AOPEP: variants seen among roughly 807,000 people sequenced by gnomAD.
AOPEP encodes aminopeptidase O.
Under a neutral mutation model 98.1 loss-of-function variants are expected in AOPEP, and 77 were observed. The ratio of observed to expected loss-of-function variants is 0.78; its 90% CI spans 0.65 to 0.95. The LOEUF (loss-of-function observed/expected upper bound fraction) is 0.95, where lower values mean the gene tolerates loss of function less well. Among genes scored for constraint, AOPEP ranks in the 40% least tolerant of loss-of-function variants. The pLI is 0.00. For synonymous variants in AOPEP, 346 were observed against 365.3 expected (o/e 0.95, Z 0.60); for missense variants, 1,024 against 1,024.7 (o/e 1.00, Z 0.01).
intron 11 of AOPEP, chr9:95,004,273 C>A (rs1445536976): frequency 2.2e-6 from 1 of 456,582 alleles, no homozygotes; most frequent in Non-Finnish European, 4.4e-6. Context: ...TGGGGTATCG[C>A]ACATTTTTAT....
intron 11 of AOPEP, among the ~76,000 whole-genome samples, chr9:94,997,522 G>A (rs1156554084): frequency 6.6e-6 from 1 of 152,188 alleles, no homozygotes; most frequent in Non-Finnish European, 1.5e-5. Flanking sequence ...ATCCTGAGGG[G>A]TGGAGGTGCT....
intron 1 of AOPEP, among the ~76,000 whole-genome samples, chr9:94,730,784 G>T (rs1010507100): frequency 6.6e-6 from 1 of 152,186 alleles, no homozygotes; most frequent in African/African-American, 2.4e-5. Context: ...TCTCAGGATT[G>T]TGTAGTCATC....
chr9:94,973,029 A>G (rs566108221), intron 10 of AOPEP, among the ~76,000 whole-genome samples: 8 of 152,334 alleles, frequency 5.3e-5, no homozygotes, highest in African/African-American at 1.9e-4. Context: ...ACTAAATGTA[A>G]ACATCGACAC....
chr9:94,952,628 C>T (rs2058181400), intron 7 of AOPEP, among the ~76,000 whole-genome samples: 1 of 152,210 alleles, frequency 6.6e-6, no homozygotes, highest in Non-Finnish European at 1.5e-5. Context: ...CTTTGTCTCT[C>T]TACGCAGACC....
chr9:94,969,467 G>T (rs1396742981), intron 10 of AOPEP, among the ~76,000 whole-genome samples: 4 of 149,826 alleles, frequency 2.7e-5, no homozygotes, highest in Non-Finnish European at 4.4e-5. Flanking sequence ...CTGGAGTGCA[G>T]TGGCACGATC....
intron 5 of AOPEP, among the ~76,000 whole-genome samples, chr9:94,815,448 TGTCAAGA>T (rs1350202902): frequency 6.6e-6 from 1 of 152,148 alleles, no homozygotes; most frequent in African/African-American, 2.4e-5. Context: ...TTAGTTGCCA[TGTCAAGA>T]GTCACCTGAG....
chr9:94,837,246 A>C (rs1250816496), intron 5 of AOPEP, among the ~76,000 whole-genome samples: 1 of 152,234 alleles, frequency 6.6e-6, no homozygotes. Flanking sequence ...ACAAGCAGTG[A>C]GATTGAAATG....
chr9:95,067,899 A>G (rs1770941466), intron 14 of AOPEP, among the ~76,000 whole-genome samples: 2 of 152,168 alleles, frequency 1.3e-5, no homozygotes, highest in South Asian at 2.1e-4. Flanking sequence ...AGATTTGCCT[A>G]TTCTGGGCCT....
At chr9:94,779,921 T>G (rs941085878) in intron 3 of AOPEP, among the ~76,000 whole-genome samples, 1 of 152,224 alleles carries the variant, frequency 6.6e-6, no homozygotes, top group Non-Finnish European at 1.5e-5. Context: ...ATCATCCTTA[T>G]GTTCTTTTCT....
intron 5 of AOPEP, among the ~76,000 whole-genome samples, chr9:94,908,520 T>C (rs773450548): frequency 1.6e-4 from 25 of 152,218 alleles, no homozygotes; most frequent in Admixed American, 7.9e-4. Context: ...GTGGGATGTT[T>C]GCTGCGTGCC....
chr9:94,826,254 C>G (rs1238111769), intron 5 of AOPEP, among the ~76,000 whole-genome samples: 1 of 152,174 alleles, frequency 6.6e-6, no homozygotes, highest in Non-Finnish European at 1.5e-5. Flanking sequence ...AACTCCTGGC[C>G]AAGGAGTGCA....
chr9:95,004,871 G>C (rs2061835178), intron 11 of AOPEP: 1 of 146,952 alleles, frequency 6.8e-6, no homozygotes, highest in African/African-American at 2.5e-5. Flanking sequence ...GCGGGAGGGC[G>C]ACCTGCGGGA....
At chr9:94,929,591 A>G (rs982475574) in intron 7 of AOPEP, among the ~76,000 whole-genome samples, 2 of 152,278 alleles carry the variant, frequency 1.3e-5, no homozygotes, top group African/African-American at 4.8e-5. Flanking sequence ...AGGGAAGTGG[A>G]GCGGGCCAGG....
the AOPEP span, among the ~76,000 whole-genome samples, chr9:95,094,677 T>C: frequency 6.6e-6 from 1 of 152,166 alleles, no homozygotes; most frequent in African/African-American, 2.4e-5. Flanking sequence ...CTTTTTTCTT[T>C]TTTCTTTGAG....
the AOPEP span, among the ~76,000 whole-genome samples, chr9:95,109,112 A>G: frequency 2.0e-5 from 3 of 152,094 alleles, no homozygotes; most frequent in African/African-American, 7.2e-5. Context: ...ACAGGGGTCT[A>G]TGTTGCCCAG....
In AOPEP at chr9:94,759,999, CA is replaced by C. The variant is rs765485120; in HGVS notation, c.219del (p.Lys73AsnfsTer12). ...ACQSESNKAC[K>X]FGMPEPCHIP... The stretch of plus-strand genomic sequence containing the variant: ...GCCAATCAGAATCAAACAAAGCCTG[CA>C]AATTTGGGATGCCTGAACCCTGCCA... On this transcript the variant is annotated frameshift_variant, in exon 2 of 17. Coordinates refer to ENST00000375315, the MANE Select transcript of AOPEP (RefSeq NM_001193329.3). LOFTEE classifies it high-confidence loss of function. 4.3e-6 allele frequency: 7 copies of C among 1,614,212 alleles called. No individual in the cohort carries two copies. The South Asian group carries it at 7.7e-5, about 18-fold the overall frequency.
the AOPEP span, among the ~76,000 whole-genome samples, chr9:95,139,262 C>T: frequency 2.6e-5 from 4 of 152,160 alleles, no homozygotes; most frequent in African/African-American, 7.2e-5. Context: ...TCACCCTCTC[C>T]GTGTAGGCGC....
At chr9:94,960,367 C>A (rs1029317400) in intron 9 of AOPEP, among the ~76,000 whole-genome samples, 1 of 149,836 alleles carries the variant, frequency 6.7e-6, no homozygotes, top group African/African-American at 2.5e-5. Context: ...GGCGAGATCA[C>A]GCCACTGCAC....
Position 94,732,109 on chromosome 9 carries a change from C to T in AOPEP, c.-136+5358C>T, listed in dbSNP as rs374985663. Among the ~76,000 whole-genome samples the T allele has an allele frequency of 2.6e-5, 4 of 152,078 alleles. No homozygotes were observed. In the East Asian group the frequency reaches 5.8e-4, roughly 22 times the overall value. ...CTGTTCCCTTTTACTTTTTATTGTT[C>T]CATATTCGTTTTTAACATATACATA... On this transcript the variant is annotated intron_variant, in intron 1 of 16. Coordinates refer to ENST00000375315, the MANE Select transcript of AOPEP (RefSeq NM_001193329.3).
Sources: gnomAD v4.1 joint callset for allele counts (sites outside exome capture counted in the v4.1 genomes callset) on GRCh38, gnomAD v4.1.1 for gene constraint, MANE v1.5 for transcripts, NCBI Gene and HGNC (gene_info 2026-07-23, HGNC 2026-07-21) for gene names.